The following PCYT2 variants were observed in gnomAD, a reference collection of about 807,000 sequenced individuals.
The protein encoded by PCYT2 is ethanolamine-phosphate cytidylyltransferase.
In PCYT2, 33 loss-of-function variants were observed where a neutral mutation model predicts 50.0. The ratio of observed to expected loss-of-function variants is 0.66; its 90% confidence interval spans 0.50 to 0.88. The LOEUF is 0.88. Ranked by LOEUF, PCYT2 falls within the 40% of genes least tolerant of loss-of-function variation. PCYT2 has a pLI of 0.00. For missense variants in PCYT2, 430 were observed against 519.7 expected (o/e 0.83, Z 1.68); for synonymous variants, 240 against 203.7 (o/e 1.18, Z -1.52).
Position 81,906,761 on chromosome 17 carries a change from G to C in PCYT2, c.675C>G (p.Phe225Leu), listed in dbSNP as rs1161760420. 1.2e-6 allele frequency: 2 copies of C among 1,612,794 alleles called. No homozygotes were observed. Residue 225 changes from phenylalanine (F) to leucine (L), a missense_variant and splice_region_variant, in exon 7 of 13, where the codon TTC becomes TTG. Around this residue, in one of 4 missense-constraint regions of PCYT2, gnomAD observed 248 missense variants for 300.2 expected, o/e 0.83. Transcript: ENST00000538936. ...VIYVAGAFDL[F>L]HIGHVDFLEK... is the part of the protein sequence containing the mutation. The stretch of plus-strand genomic sequence containing the variant: ...GAGCAGCAGAGGCCCAGAGGATACG[G>C]AACAGGTCGAAGGCACCAGCCACAT...
intron 8 of PCYT2, 83 bp downstream of exon 8, chr17:81,906,381 C>A (rs184888903): frequency 7.1e-7 from 1 of 1,418,216 alleles, no homozygotes; most frequent in Non-Finnish European, 9.9e-7. Flanking sequence ...TTCCCAGAGA[C>A]CACCTGCACC....
chr17:81,902,338 C>G lies in PCYT2; in HGVS notation c.*2495G>C. 3.7e-6 allele frequency: 5 copies of G among 1,341,504 alleles called. No individual in the cohort carries two copies. Among genetic ancestry groups the G allele is most frequent in the Non-Finnish European group, 4.7e-6 (5 of 1,053,884 alleles). 83.1% of individuals were successfully genotyped at this position (1,341,504 alleles called of 1,614,324 possible). Reference sequence around the variant, plus strand: ...GGCGCTGTGCCTGCTGCTGGCGCCGCCTGGCCTCGCGTGGTACAAGCCAGC... The same window carrying G: ...GGCGCTGTGCCTGCTGCTGGCGCCGGCTGGCCTCGCGTGGTACAAGCCAGC... On this transcript the variant is annotated 3_prime_UTR_variant, in exon 13 of 13. Coordinates refer to ENST00000538936, the MANE Select transcript of PCYT2 (RefSeq NM_002861.5).
Position 81,902,736 on chromosome 17 carries a change from C to T in PCYT2, c.*2097G>A. 1 of 1,606,756 alleles carries T rather than the reference C, an allele frequency of 6.2e-7. No homozygotes were observed. ...TCCTGTCCCTGCGCGCAGCCGACTG[C>T]CTCGCCGCCTGAGCCCGGACCTCTC... On this transcript the variant is annotated 3_prime_UTR_variant, in exon 13 of 13. Transcript: ENST00000538936.
At chr17:81,907,026 C>G (rs1431185217) in intron 6 of PCYT2, 128 bp from the exon 7 acceptor site, 6 of 1,196,278 alleles carry the variant, frequency 5.0e-6, no homozygotes, top group Middle Eastern at 2.3e-4. Flanking sequence ...GGGCAGGGGA[C>G]ACACTGCCAG....
chr17:81,910,091 C>T (rs1275400315), intron 1 of PCYT2, among the ~76,000 whole-genome samples: 1 of 152,204 alleles, frequency 6.6e-6, no homozygotes, highest in Admixed American at 6.5e-5. Context: ...AATCACTGGC[C>T]CTGAAAATCC....
In PCYT2 at chr17:81,907,900, G is replaced by A. The variant is rs199967433; in HGVS notation, c.408-43C>T. On this transcript the variant is annotated intron_variant, in intron 4 of 12. Coordinates refer to ENST00000538936, the MANE Select transcript of PCYT2 (RefSeq NM_002861.5). ...AGTGGGGTCTCATCCTGGGACACTCGCAAGGCTCTGCCTCCTGCTACCACC... is the reference window on the plus strand; with the variant it reads ...AGTGGGGTCTCATCCTGGGACACTCACAAGGCTCTGCCTCCTGCTACCACC... The A allele has an allele frequency of 1.1e-4, 157 of 1,494,938 alleles. No individual in the cohort carries two copies. The South Asian group carries it at 1.1e-3, about 11-fold the overall frequency. 92.6% of individuals were successfully genotyped at this position (1,494,938 alleles called of 1,614,324 possible).
At chr17:81,908,229 C>T (rs1260993783) in intron 4 of PCYT2, among the ~76,000 whole-genome samples, 1 of 152,188 alleles carries the variant, frequency 6.6e-6, no homozygotes, top group African/African-American at 2.4e-5. Flanking sequence ...GCATCTCATG[C>T]GGGAGCCACT....
chr17:81,904,637 C>T lies in PCYT2; in HGVS notation c.*196G>A. ...GCCTCTCCACTGTGCTGGACACCCT[C>T]TCTGAGCAGCTTTGCTGGAAAGAGC... On this transcript the variant is annotated 3_prime_UTR_variant, in exon 13 of 13. Coordinates refer to ENST00000538936, the MANE Select transcript of PCYT2 (RefSeq NM_002861.5). 1.7e-6 allele frequency: 1 copy of T among 581,754 alleles called. No homozygotes were observed. The highest frequency in any genetic ancestry group is 3.1e-6 in the Non-Finnish European group (1 of 327,372). The allele number at this position is 581,754 out of a possible 1,614,324, so 36.0% of individuals were successfully genotyped here.
chr17:81,904,568 G>A lies in PCYT2; in HGVS notation c.*265C>T, dbSNP rs2040133756. 2 of 463,442 alleles carry A rather than the reference G, an allele frequency of 4.3e-6. No individual in the cohort carries two copies. The highest frequency in any genetic ancestry group is 3.8e-5 in the Admixed American group (1 of 26,556). 28.7% of individuals were successfully genotyped at this position (463,442 alleles called of 1,614,324 possible). ...ACCAGGTGGGGGCGCACGCAGGAGC[G>A]GTGCGTTTCAGGCTGCAGGTGCCGT... On this transcript the variant is annotated 3_prime_UTR_variant, in exon 13 of 13. Transcript: ENST00000538936.
chr17:81,905,978 G>A, intron 9 of PCYT2, 122 bp downstream of exon 9: 1 of 878,278 alleles, frequency 1.1e-6, no homozygotes, highest in Admixed American at 2.3e-5. Context: ...AGAACTCGGG[G>A]TGCTGGGTGC....
At chr17:81,905,995 G>A (rs1205352755) in intron 9 of PCYT2, 105 bp downstream of exon 9, 7 of 1,021,318 alleles carry the variant, frequency 6.9e-6, no homozygotes, top group Non-Finnish European at 7.2e-6. Context: ...GTGCAGCTCT[G>A]CCAGTGACCC....
At chr17:81,905,525 G>C in intron 10 of PCYT2, 78 bp from the exon 11 acceptor site, 1 of 1,469,906 alleles carries the variant, frequency 6.8e-7, no homozygotes, top group Middle Eastern at 1.7e-4. Context: ...ACAGGCCCCG[G>C]GGGTTGGGAG....
chr17:81,905,718 C>T lies in PCYT2; in HGVS notation c.855G>A (p.Val285=). The change falls in exon 10 of 13, where the codon GTG becomes GTA. Residue 285 remains valine (V), a synonymous_variant. Coordinates refer to ENST00000538936, the MANE Select transcript of PCYT2 (RefSeq NM_002861.5). Reference sequence around the variant, plus strand: ...CTGTGACCGCGTACGGGGCTCCAATCACCACTTCTGACACGTACTGTGGGG... The same window carrying T: ...CTGTGACCGCGTACGGGGCTCCAATTACCACTTCTGACACGTACTGTGGGG... ...VLACRYVSEV[V]IGAPYAVTAE... The T allele has an allele frequency of 6.2e-7, 1 of 1,613,668 alleles. No individual in the cohort carries two copies. Among genetic ancestry groups the T allele is most frequent in the South Asian group, 1.1e-5 (1 of 91,084 alleles).
chr17:81,903,368 T>C lies in PCYT2; in HGVS notation c.*1465A>G, dbSNP rs1406464948. The stretch of plus-strand genomic sequence containing the variant: ...AGATGGGTAGGTTCTCCCTCCGCCG[T>C]TGGGTGTGACTCCGGAACTGGCTTG... On this transcript the variant is annotated 3_prime_UTR_variant, in exon 13 of 13. Coordinates refer to ENST00000538936, the MANE Select transcript of PCYT2 (RefSeq NM_002861.5). 1.3e-5 allele frequency: 2 copies of C among 152,450 alleles called. No individual in the cohort carries two copies. The highest frequency in any genetic ancestry group is 1.5e-5 in the Non-Finnish European group (1 of 68,202). The allele number at this position is 152,450 out of a possible 1,614,324, so 9.4% of individuals were successfully genotyped here.
chr17:81,906,835 T>C lies in PCYT2; in HGVS notation c.601A>G (p.Ile201Val). 1 of 1,613,492 alleles carries C rather than the reference T, an allele frequency of 6.2e-7. No homozygotes were observed. The highest frequency in any genetic ancestry group is 8.5e-7 in the Non-Finnish European group (1 of 1,179,966). ...SQFLQTSQKI[I>V]QFASGKEPQP... ...GGCTCCTTCCCAGAAGCAAACTGGA[T>C]GATCTTCTGAGATGTCTGCAGGAAC... The change falls in exon 7 of 13, where the codon ATC becomes GTC. Residue 201 changes from isoleucine to valine, a missense_variant. Physicochemically the swap from Ile to Val is conservative, Grantham distance 29. Coordinates refer to ENST00000538936, the MANE Select transcript of PCYT2 (RefSeq NM_002861.5).
intron 6 of PCYT2, 175 bp downstream of exon 6, chr17:81,907,379 C>A: frequency 8.4e-7 from 1 of 1,188,508 alleles, no homozygotes. Flanking sequence ...GCCTGCCCTC[C>A]CTCCCAGCAT....
chr17:81,911,208 G>A lies in PCYT2; in HGVS notation c.89+59C>T, dbSNP rs896628257. 3.9e-6 allele frequency: 4 copies of A among 1,021,566 alleles called. No homozygotes were observed. The African/African-American group carries it at 5.2e-5, about 13-fold the overall frequency. 63.3% of individuals were successfully genotyped at this position (1,021,566 alleles called of 1,614,324 possible). A position where few individuals can be genotyped will look rare whatever the true frequency, so the allele number is the denominator to read the frequency against. The stretch of plus-strand genomic sequence containing the variant: ...CGGTCCCCGGGCAACGGCTGGCGCG[G>A]CGCCCCGGAAGGAAGCCGGCCCCGG... On this transcript the variant is annotated intron_variant, in intron 1 of 12. Transcript: ENST00000538936.
At position 81,905,169 on chromosome 17, in the gene PCYT2, A is replaced by C. The variant is rs772815876; in HGVS notation, c.970-15T>G. ...CTCTTGGGCTCCTGGGGGTCCAGAG[A>C]GGAGGAGCGGGATGAAGGTCCCTGC... On this transcript the variant is annotated splice_polypyrimidine_tract_variant and intron_variant, in intron 11 of 12. Coordinates refer to ENST00000538936, the MANE Select transcript of PCYT2 (RefSeq NM_002861.5). 1 of 1,605,502 alleles carries C rather than the reference A, an allele frequency of 6.2e-7. No individual in the cohort carries two copies. Among genetic ancestry groups the C allele is most frequent in the Non-Finnish European group, 8.5e-7 (1 of 1,175,030 alleles).
Position 81,902,340 on chromosome 17 carries a change from T to C in PCYT2, c.*2493A>G. The stretch of plus-strand genomic sequence containing the variant: ...CGCTGTGCCTGCTGCTGGCGCCGCC[T>C]GGCCTCGCGTGGTACAAGCCAGCGG... On this transcript the variant is annotated 3_prime_UTR_variant, in exon 13 of 13. Transcript: ENST00000538936. 1 of 1,338,462 alleles carries C rather than the reference T, an allele frequency of 7.5e-7. No individual in the cohort carries two copies. The highest frequency in any genetic ancestry group is 9.5e-7 in the Non-Finnish European group (1 of 1,053,136). 82.9% of individuals were successfully genotyped at this position (1,338,462 alleles called of 1,614,324 possible).
Sources: gnomAD v4.1 joint callset for allele counts (sites outside exome capture counted in the v4.1 genomes callset) on GRCh38, gnomAD v4.1.1 for gene constraint, gnomAD v4.1.1 regional missense constraint, MANE v1.5 for transcripts, NCBI Gene and HGNC (gene_info 2026-07-23, HGNC 2026-07-21) for gene names.